Variants in TMEM266 observed in about 807,000 individuals in gnomAD.
The protein encoded by TMEM266 is Hv1 related protein 1.
A neutral mutation model predicts 50.5 loss-of-function variants in TMEM266; 33 were observed. That is an observed-to-expected ratio of 0.65 (90% CI 0.50 to 0.87). TMEM266 has a LOEUF of 0.87. Among genes scored for constraint, TMEM266 ranks in the 40% least tolerant of loss-of-function variants. The pLI, the probability that TMEM266 is intolerant of heterozygous loss-of-function variation, is 0.00. For synonymous variants in TMEM266, 310 were observed against 292.3 expected (o/e 1.06, Z -0.62); for missense variants, 655 against 695.1 (o/e 0.94, Z 0.65).
chr15:76,134,536 C>A (rs192105688), intron 2 of TMEM266, among the ~76,000 whole-genome samples: 5 of 152,292 alleles, frequency 3.3e-5, no homozygotes, highest in Admixed American at 2.6e-4. Context: ...TTTCTAAAAC[C>A]AGGCTTTATG....
At chr15:76,196,368 G>A (rs891699048) in intron 9 of TMEM266, among the ~76,000 whole-genome samples, 1 of 152,158 alleles carries the variant, frequency 6.6e-6, no homozygotes, top group African/African-American at 2.4e-5. Context: ...TGCCTCCAAG[G>A]CAAAGGGCAG....
At chr15:76,118,139 G>A (rs892794227) in intron 1 of TMEM266, among the ~76,000 whole-genome samples, 7 of 152,108 alleles carry the variant, frequency 4.6e-5, no homozygotes, top group Admixed American at 2.6e-4. Flanking sequence ...TTGATTTTGC[G>A]GCCCACACTG....
chr15:76,130,366 C>A (rs1405840505), intron 1 of TMEM266, among the ~76,000 whole-genome samples: 4 of 151,310 alleles, frequency 2.6e-5, no homozygotes, highest in African/African-American at 9.7e-5. Context: ...GGTGAAACCC[C>A]GTCTCTACTA....
intron 3 of TMEM266, among the ~76,000 whole-genome samples, chr15:76,141,273 TC>T (rs2037672772): frequency 6.6e-6 from 1 of 151,246 alleles, no homozygotes; most frequent in Admixed American, 6.6e-5. Flanking sequence ...TCTTGCTTTG[TC>T]GCCCAGGCTG....
At chr15:76,080,355 G>A (rs917364155) in intron 1 of TMEM266, among the ~76,000 whole-genome samples, 2 of 7,592 alleles carry the variant, frequency 2.6e-4, no homozygotes, top group Non-Finnish European at 5.4e-4. Context: ...TTGGTCAAGC[G>A]ATTCTCCTGC....
At chr15:76,097,738 C>T (rs1041374304) in intron 1 of TMEM266, among the ~76,000 whole-genome samples, 1 of 151,994 alleles carries the variant, frequency 6.6e-6, no homozygotes, top group Non-Finnish European at 1.5e-5. Context: ...TTCAGATACA[C>T]CAATCAAACG....
chr15:76,111,083 CTT>C (rs34754489), intron 1 of TMEM266, among the ~76,000 whole-genome samples: 12 of 143,966 alleles, frequency 8.3e-5, no homozygotes, highest in Admixed American at 2.1e-4. Context: ...TTCGCAGTTT[CTT>C]TTTTTTTTTT....
At chr15:76,146,966 A>G (rs2037766664) in intron 3 of TMEM266, among the ~76,000 whole-genome samples, 1 of 152,230 alleles carries the variant, frequency 6.6e-6, no homozygotes, top group South Asian at 2.1e-4. Context: ...TTGAGCCTGG[A>G]ACAGGGGTGT....
chr15:76,062,739 G>A (rs1421689722), intron 1 of TMEM266, among the ~76,000 whole-genome samples: 1 of 152,084 alleles, frequency 6.6e-6, no homozygotes, highest in Admixed American at 6.6e-5. Context: ...AGGCTTTATC[G>A]TGCAAAGGCC....
chr15:76,081,401 G>A (rs929206520), intron 1 of TMEM266, among the ~76,000 whole-genome samples: 6 of 152,188 alleles, frequency 3.9e-5, no homozygotes, highest in Non-Finnish European at 8.8e-5. Flanking sequence ...AGACCCTGGA[G>A]GTCACATTAT....
Position 76,153,271 on chromosome 15 carries a change from G to A in TMEM266, c.228-3333G>A, listed in dbSNP as rs1036645291. On this transcript the variant is annotated intron_variant, in intron 3 of 10. Transcript: ENST00000388942. The surrounding 1 kb of genome is among the most constrained non-coding windows in gnomAD (Gnocchi z 4.2). ...TGGAACTAGTGCTCCTGAATACAAT[G>A]CTTCGTTTCATTCCCTACTCCCTTC... is the stretch of plus-strand genomic sequence containing the variant. Among the ~76,000 whole-genome samples, 2 of 152,172 alleles carry A rather than the reference G, an allele frequency of 1.3e-5. No homozygotes were observed. Among genetic ancestry groups the A allele is most frequent in the Non-Finnish European group, 2.9e-5 (2 of 68,034 alleles).
chr15:76,082,802 C>G (rs1285376746), intron 1 of TMEM266, among the ~76,000 whole-genome samples: 2 of 152,146 alleles, frequency 1.3e-5, no homozygotes, highest in East Asian at 3.9e-4. Context: ...AACCCTGTCT[C>G]TACTAAAAAT....
At chr15:76,143,392 G>T (rs1159542877) in intron 3 of TMEM266, among the ~76,000 whole-genome samples, 1 of 152,148 alleles carries the variant, frequency 6.6e-6, no homozygotes, top group Non-Finnish European at 1.5e-5. Context: ...GTTCTCAAGC[G>T]CATCAGCCAC....
chr15:76,166,098 TG>T (rs1380747593), intron 5 of TMEM266, among the ~76,000 whole-genome samples: 1 of 152,044 alleles, frequency 6.6e-6, no homozygotes, highest in Non-Finnish European at 1.5e-5. Flanking sequence ...AGGCAGTCCG[TG>T]GGTTAGTCCA....
chr15:76,176,719 G>A (rs980631787), intron 8 of TMEM266, among the ~76,000 whole-genome samples: 4 of 152,196 alleles, frequency 2.6e-5, no homozygotes, highest in African/African-American at 9.7e-5. Flanking sequence ...GCCCGTGGCC[G>A]CATATTGATG....
chr15:76,121,929 C>T (rs189511459), intron 1 of TMEM266, among the ~76,000 whole-genome samples: 2 of 152,352 alleles, frequency 1.3e-5, no homozygotes, highest in Admixed American at 1.3e-4. Flanking sequence ...GATCATGTCT[C>T]ATTTATCTTG....
rs1186643728 is a variant in TMEM266 at position 76,173,789 on chromosome 15, T to C, written c.653-1770T>C. Among the ~76,000 whole-genome samples the C allele has an allele frequency of 6.6e-5, 10 of 151,626 alleles. 1 individual carries two copies. Among genetic ancestry groups the C allele is most frequent in the African/African-American group, 2.4e-4 (10 of 41,212 alleles). ...CTCTACTAAAAATATAAAAATTAGC[T>C]GAGTGTGGTGATGCACGCCTGTAAT... is the stretch of plus-strand genomic sequence containing the variant. On this transcript the variant is annotated intron_variant, in intron 7 of 10. Transcript: ENST00000388942.
At chr15:76,188,720 C>T (rs1016757810) in intron 8 of TMEM266, among the ~76,000 whole-genome samples, 1 of 152,196 alleles carries the variant, frequency 6.6e-6, no homozygotes, top group Non-Finnish European at 1.5e-5. Context: ...TGGGTCCCTC[C>T]CACGACAAAT....
At chr15:76,119,766 C>CAAAA (rs35165074) in intron 1 of TMEM266, among the ~76,000 whole-genome samples, 4,338 of 147,998 alleles carry the variant, frequency 0.029, 220 homozygotes, top group African/African-American at 0.1. Flanking sequence ...GACTTGGTCT[C>CAAAA]AAAAAAAAAA....
Sources: gnomAD v4.1 joint callset for allele counts (sites outside exome capture counted in the v4.1 genomes callset) on GRCh38, gnomAD v4.1.1 for gene constraint, Gnocchi (gnomAD v3.1) non-coding constraint, MANE v1.5 for transcripts, NCBI Gene and HGNC (gene_info 2026-07-23, HGNC 2026-07-21) for gene names.